Variants in MT1B observed in about 807,000 individuals in gnomAD.
The protein encoded by MT1B is metallothionein-1B.
A neutral mutation model predicts 7.9 loss-of-function variants in MT1B; 4 were observed. The observed-to-expected ratio is 0.51, with a 90% CI of 0.25 to 1.16. MT1B has a LOEUF of 1.16. Among genes scored for constraint, MT1B ranks in the 50% most tolerant of loss-of-function variants. The pLI, the probability that MT1B is intolerant of heterozygous loss-of-function variation, is 0.15. For synonymous variants in MT1B, 22 were observed against 27.6 expected, an observed-to-expected ratio of 0.80 and a Z score of 0.63; for missense variants, 76 against 75.2, an observed-to-expected ratio of 1.01 and a Z score of -0.04.
intron 1 of MT1B, 65 bp from the exon 2 acceptor site, chr16:56,652,506 A>G (rs1238826884): frequency 8.1e-6 from 12 of 1,485,138 alleles, no homozygotes; most frequent in Non-Finnish European, 1.1e-5. Context: ...CTGGACACTC[A>G]TGGACTCACT....
At chr16:56,652,326 C>G (rs1369961805) in intron 1 of MT1B, among the ~76,000 whole-genome samples, 1 of 152,204 alleles carries the variant, frequency 6.6e-6, no homozygotes, top group Non-Finnish European at 1.5e-5. Context: ...GTTTTGGCCT[C>G]CAGCCCCAGT....
At chr16:56,652,454 G>A (rs1174422285) in intron 1 of MT1B, 117 bp from the exon 2 acceptor site, 1 of 1,013,000 alleles carries the variant, frequency 9.9e-7, no homozygotes, top group African/African-American at 1.6e-5. Context: ...CTCTGAGTGG[G>A]AAAGGAGCTC....
At chr16:56,652,307 A>T (rs1477568340) in intron 1 of MT1B, among the ~76,000 whole-genome samples, 2 of 152,196 alleles carry the variant, frequency 1.3e-5, no homozygotes, top group Non-Finnish European at 2.9e-5. Flanking sequence ...TCAGAGTTCA[A>T]CACAGAAGGT....
Position 56,653,021 on chromosome 16 carries a change from T to C in MT1B, c.142T>C (p.Cys48Arg), listed in dbSNP as rs529507194. The C allele has an allele frequency of 1.9e-6, 3 of 1,613,808 alleles. No homozygotes were observed. Among genetic ancestry groups the C allele is most frequent in the East Asian group, 2.2e-5 (1 of 44,878 alleles). Residue 48 changes from cysteine (C) to arginine (R), a missense_variant, in exon 3 of 3, where the codon TGT becomes CGT. Coordinates refer to ENST00000334346, the MANE Select transcript of MT1B (RefSeq NM_005947.3). ...GGGCTGTGCCAAGTGTGCCCAGGGC[T>C]GTGTCTGCAAAGGCTCATCAGAGAA... ...PVGCAKCAQG[C>R]VCKGSSEKCR...
Position 56,651,892 on chromosome 16 carries a change from C to G in MT1B, c.-62C>G. 1 of 1,595,068 alleles carries G rather than the reference C, an allele frequency of 6.3e-7. No homozygotes were observed. The stretch of plus-strand genomic sequence containing the variant: ...CAGCCAGCTCCTGGGCTCCATCACA[C>G]CTTCCTCCTGCCCTGACTTCTCATA... On this transcript the variant is annotated 5_prime_UTR_variant, in exon 1 of 3. Transcript: ENST00000334346.
rs929528000 is a variant in MT1B at position 56,652,449 on chromosome 16, A to G, written c.29-122A>G. The G allele has an allele frequency of 1.2e-5, 12 of 962,376 alleles. No individual in the cohort carries two copies. The South Asian group carries it at 1.5e-4, about 12-fold the overall frequency. The allele number at this position is 962,376 out of a possible 1,614,324, so 59.6% of individuals were successfully genotyped here. On this transcript the variant is annotated intron_variant, in intron 1 of 2. Coordinates refer to ENST00000334346, the MANE Select transcript of MT1B (RefSeq NM_005947.3). ...ATGGGGCTTCTGTTCCTCCGCTCTG[A>G]GTGGGAAAGGAGCTCTGATGGCTGG...
At chr16:56,652,711 G>A in intron 2 of MT1B, 75 bp downstream of exon 2, 5 of 1,560,266 alleles carry the variant, frequency 3.2e-6, no homozygotes, top group Non-Finnish European at 4.4e-6. Flanking sequence ...GGCCCTGAGT[G>A]CATGCTTTTG....
At position 56,652,577 on chromosome 16, in the gene MT1B, C is replaced by T; in HGVS notation, c.35C>T (p.Ser12Phe). The T allele has an allele frequency of 6.8e-6, 11 of 1,613,946 alleles. No homozygotes were observed. The highest frequency in any genetic ancestry group is 5.5e-5 in the South Asian group (5 of 91,088). ...DPNCSCTTGGSCACAGSCKCK... is the reference protein window; with the variant it reads ...DPNCSCTTGGFCACAGSCKCK... ...CTTTTTCGCTTCCTTGCAGGTGGCT[C>T]CTGTGCCTGCGCCGGCTCCTGCAAG... The change falls in exon 2 of 3, where the codon TCC becomes TTC. Residue 12 changes from serine (S) to phenylalanine (F), a missense_variant. Physicochemically the swap from Ser to Phe is radical, Grantham distance 155. Coordinates refer to ENST00000334346, the MANE Select transcript of MT1B (RefSeq NM_005947.3).
rs117928180 is a variant in MT1B, at chr16:56,651,927, G to A, written c.-27G>A. ...GCCCTGACTTCTCATATCTTGCCTA[G>A]GAACTCCAGGCTTGTCTTGGCTCCA... On this transcript the variant is annotated 5_prime_UTR_variant, in exon 1 of 3. Transcript: ENST00000334346. 79 of 1,614,144 alleles carry A rather than the reference G, an allele frequency of 4.9e-5. No homozygotes were observed. Among genetic ancestry groups the A allele is most frequent in the Non-Finnish European group, 6.4e-5 (75 of 1,179,960 alleles).
rs563495784 is a variant in MT1B at position 56,652,553 on chromosome 16, T to C, written c.29-18T>C. The C allele has an allele frequency of 3.1e-6, 5 of 1,612,410 alleles. No individual in the cohort carries two copies. The Admixed American group carries it at 5.0e-5, about 16-fold the overall frequency. On this transcript the variant is annotated intron_variant, in intron 1 of 2. Coordinates refer to ENST00000334346, the MANE Select transcript of MT1B (RefSeq NM_005947.3). ...TGCATCTTACTCACTGCCCACTGCC[T>C]TTTTCGCTTCCTTGCAGGTGGCTCC...
chr16:56,652,475 C>T, intron 1 of MT1B, 96 bp from the exon 2 acceptor site: 3 of 1,179,500 alleles, frequency 2.5e-6, no homozygotes, highest in Non-Finnish European at 3.8e-6. Flanking sequence ...TGATGGCTGG[C>T]CCTGCACAGA....
chr16:56,652,060 G>T (rs1278089944), intron 1 of MT1B, 79 bp downstream of exon 1: 11 of 1,568,166 alleles, frequency 7.0e-6, no homozygotes, highest in Non-Finnish European at 8.8e-6. Context: ...AGAGAAGGTT[G>T]CATTATGAGA....
chr16:56,652,926 T>G (rs1255709759), intron 2 of MT1B, 48 bp from the exon 3 acceptor site: 12 of 1,594,032 alleles, frequency 7.5e-6, no homozygotes, highest in Non-Finnish European at 1.0e-5. Context: ...GACAGAGAGG[T>G]TCCTGGTCAA....
chr16:56,653,101 C>T lies in MT1B; in HGVS notation c.*36C>T, dbSNP rs369580018. The T allele has an allele frequency of 1.0e-4, 162 of 1,603,978 alleles. No homozygotes were observed. The highest frequency in any genetic ancestry group is 1.3e-4 in the Non-Finnish European group (155 of 1,172,832). Reference sequence around the variant, plus strand: ...GCCCTGCTCCCAGACATAAATAGAGCAACCAGTACTAACCTGGATTTTTTT... The same window carrying T: ...GCCCTGCTCCCAGACATAAATAGAGTAACCAGTACTAACCTGGATTTTTTT... On this transcript the variant is annotated 3_prime_UTR_variant, in exon 3 of 3. Transcript: ENST00000334346.
chr16:56,652,659 G>A (rs1960569175), intron 2 of MT1B, 23 bp downstream of exon 2: 2 of 1,613,618 alleles, frequency 1.2e-6, no homozygotes, highest in Non-Finnish European at 1.7e-6. Flanking sequence ...TCATCTCCAG[G>A]AATCTGGGGC....
rs1186686978 is a variant in MT1B at position 56,652,062 on chromosome 16, A to G, written c.28+81A>G. Reference sequence around the variant, plus strand: ...GTGTCCCTGGGTTAGAGAAGGTTGCATTATGAGATGTGAGTTGAAGGGAAC... The same window carrying G: ...GTGTCCCTGGGTTAGAGAAGGTTGCGTTATGAGATGTGAGTTGAAGGGAAC... On this transcript the variant is annotated intron_variant, in intron 1 of 2. Coordinates refer to ENST00000334346, the MANE Select transcript of MT1B (RefSeq NM_005947.3). 2.0e-5 allele frequency: 31 copies of G among 1,561,654 alleles called. No homozygotes were observed. In the African/African-American group the frequency reaches 3.9e-4, roughly 20 times the overall value.
rs1960575759 is a variant in MT1B at position 56,653,057 on chromosome 16, T to C, written c.178T>C (p.Cys60Arg). 6.2e-7 allele frequency: 1 copy of C among 1,613,898 alleles called. No homozygotes were observed. The highest frequency in any genetic ancestry group is 1.7e-5 in the Admixed American group (1 of 60,014). ...CKGSSEKCRC[C>R]A The stretch of plus-strand genomic sequence containing the variant: ...AGGCTCATCAGAGAAGTGCCGCTGC[T>C]GTGCCTGATGTTGGGAGAGCCCTGC... Residue 60 changes from cysteine to arginine, a missense_variant, in exon 3 of 3, where the codon TGT becomes CGT. Cys to Arg is a radical substitution (Grantham distance 180, BLOSUM62 -3). Coordinates refer to ENST00000334346, the MANE Select transcript of MT1B (RefSeq NM_005947.3).
intron 2 of MT1B, 135 bp from the exon 3 acceptor site, chr16:56,652,839 A>G (rs890973162): frequency 1.8e-5 from 22 of 1,197,134 alleles, no homozygotes; most frequent in Non-Finnish European, 2.2e-5. Context: ...CAAATGTACC[A>G]TCAGAACACA....
rs146626848 is a variant in MT1B at position 56,653,143 on chromosome 16, C to T, written c.*78C>T. The T allele has an allele frequency of 4.8e-5, 63 of 1,325,224 alleles. No individual in the cohort carries two copies. The South Asian group carries it at 6.2e-4, about 13-fold the overall frequency. 82.1% of individuals were successfully genotyped at this position (1,325,224 alleles called of 1,614,324 possible). ...GATTTTTTTTTTTAACTACCCTGAC[C>T]GGTTTGCTACATTCTTTTTTCTATT... is the stretch of plus-strand genomic sequence containing the variant. On this transcript the variant is annotated 3_prime_UTR_variant, in exon 3 of 3. Transcript: ENST00000334346.
Sources: gnomAD v4.1 joint callset for allele counts (sites outside exome capture counted in the v4.1 genomes callset) on GRCh38, gnomAD v4.1.1 for gene constraint, MANE v1.5 for transcripts, NCBI Gene and HGNC (gene_info 2026-07-23, HGNC 2026-07-21) for gene names.